The following TBC1D22A variants were observed in gnomAD, a reference collection of about 807,000 sequenced individuals.
The protein encoded by TBC1D22A is TBC1 domain family member 22A.
Under a neutral mutation model 60.2 loss-of-function variants are expected in TBC1D22A, and 38 were observed. The observed-to-expected ratio is 0.63, with a 90% confidence interval of 0.49 to 0.83. The LOEUF (loss-of-function observed/expected upper bound fraction) is 0.83, where lower values mean the gene tolerates loss of function less well. TBC1D22A is among the 40% of genes least tolerant of loss of function. The pLI, the probability that TBC1D22A is intolerant of heterozygous loss-of-function variation, is 0.00. For synonymous variants in TBC1D22A, 302 were observed against 281.7 expected, an observed-to-expected ratio of 1.07 and a Z score of -0.72; for missense variants, 628 against 701.0, an observed-to-expected ratio of 0.90 and a Z score of 1.18.
chr22:47,006,039 T>G (rs2061581722), intron 10 of TBC1D22A, among the ~76,000 whole-genome samples: 1 of 152,092 alleles, frequency 6.6e-6, no homozygotes, highest in South Asian at 2.1e-4. Context: ...TACACATGCC[T>G]TTACACACAC....
intron 4 of TBC1D22A, among the ~76,000 whole-genome samples, chr22:46,848,753 G>T (rs2147265864): frequency 6.6e-6 from 1 of 152,280 alleles, no homozygotes; most frequent in East Asian, 1.9e-4. Flanking sequence ...AGTTTTGAGT[G>T]CATTATGACA....
intron 7 of TBC1D22A, among the ~76,000 whole-genome samples, chr22:46,904,096 A>AATCAATCT (rs1207325734): frequency 1.2e-4 from 13 of 106,920 alleles, no homozygotes; most frequent in South Asian, 8.6e-4. Context: ...ATCTAAATAA[A>AATCAATCT]ATCTATCTAT....
At chr22:46,794,032 G>A (rs2084543698) in intron 3 of TBC1D22A, among the ~76,000 whole-genome samples, 191 bp downstream of exon 3, 1 of 152,228 alleles carries the variant, frequency 6.6e-6, no homozygotes, top group Non-Finnish European at 1.5e-5. Context: ...GGGCCCCCAA[G>A]TGCTTTCTTC....
chr22:46,833,637 G>A (rs538952799), intron 4 of TBC1D22A, among the ~76,000 whole-genome samples: 9 of 152,352 alleles, frequency 5.9e-5, no homozygotes, highest in African/African-American at 1.9e-4. Context: ...TCTGGCTGGA[G>A]TGATCAGGAA....
intron 4 of TBC1D22A, among the ~76,000 whole-genome samples, chr22:46,809,197 T>C (rs569625709): frequency 2.0e-5 from 3 of 152,306 alleles, no homozygotes; most frequent in Admixed American, 6.5e-5. Flanking sequence ...TCCTCCCGGC[T>C]TGCAGATGCC....
chr22:47,150,466 G>A (rs965846361), intron 12 of TBC1D22A, among the ~76,000 whole-genome samples: 2 of 152,220 alleles, frequency 1.3e-5, no homozygotes, highest in African/African-American at 4.8e-5. Flanking sequence ...TCCCAGTTCC[G>A]TCTAGAACAG....
At chr22:47,088,608 T>G (rs1322246592) in intron 11 of TBC1D22A, among the ~76,000 whole-genome samples, 4 of 152,180 alleles carry the variant, frequency 2.6e-5, no homozygotes, top group African/African-American at 9.7e-5. Flanking sequence ...TTTTTTTTTT[T>G]GACGGCAAGT....
rs117346017 is a variant in TBC1D22A, at chr22:47,022,103, G to A, written c.1202-14968G>A. ...TTCATTTACACTTGATCAGGGAAAT[G>A]AGCACCAAATGTTGGACATTTTTCC... On this transcript the variant is annotated intron_variant, in intron 10 of 12. Transcript: ENST00000337137. 5.6e-3 allele frequency among the ~76,000 whole-genome samples: 857 copies of A among 152,324 alleles called. 6 individuals are homozygous for A. Among genetic ancestry groups the A allele is most frequent in the Non-Finnish European group, 8.3e-3 (564 of 68,018 alleles).
chr22:46,941,539 G>A lies in TBC1D22A; in HGVS notation c.1015+29351G>A, dbSNP rs915458232. On this transcript the variant is annotated intron_variant, in intron 8 of 12. Coordinates refer to ENST00000337137, the MANE Select transcript of TBC1D22A (RefSeq NM_014346.5). Reference sequence around the variant, plus strand: ...ATATATATACACGGAATATATATACGGAATATATATACAGGGAATATATAT... The same window carrying A: ...ATATATATACACGGAATATATATACAGAATATATATACAGGGAATATATAT... 2.1e-4 allele frequency among the ~76,000 whole-genome samples: 29 copies of A among 137,234 alleles called. 1 individual carries two copies. The highest frequency in any genetic ancestry group is 1.8e-4 in the Non-Finnish European group (12 of 65,462). The allele number at this position is 137,234 out of a possible 152,430, so 90.0% of individuals were successfully genotyped here. A position where few individuals can be genotyped will look rare whatever the true frequency, so the allele number is the denominator to read the frequency against.
intron 5 of TBC1D22A, among the ~76,000 whole-genome samples, chr22:46,882,572 T>C (rs1484415664): frequency 6.6e-6 from 1 of 152,100 alleles, no homozygotes; most frequent in African/African-American, 2.4e-5. Flanking sequence ...AGAGCTGGCC[T>C]GGGGCGTTGG....
intron 10 of TBC1D22A, among the ~76,000 whole-genome samples, chr22:47,004,237 G>T (rs947715916): frequency 3.0e-5 from 4 of 132,470 alleles, no homozygotes; most frequent in African/African-American, 1.2e-4. Context: ...CTATATACAC[G>T]CATCTGCCAT....
chr22:46,848,797 T>C (rs2147266180), intron 4 of TBC1D22A, among the ~76,000 whole-genome samples: 1 of 152,294 alleles, frequency 6.6e-6, no homozygotes, highest in East Asian at 1.9e-4. Flanking sequence ...ACACTTTGGG[T>C]TGCAGGGCTG....
At position 46,974,343 on chromosome 22, in the gene TBC1D22A, T is replaced by G. The variant is rs1173777416; in HGVS notation, c.1069T>G (p.Cys357Gly). Residue 357 changes from cysteine to glycine, a missense_variant, in exon 9 of 13, where the codon TGC becomes GGC. By Grantham distance (159) the Cys-to-Gly change is radical. Coordinates refer to ENST00000337137, the MANE Select transcript of TBC1D22A (RefSeq NM_014346.5). ...DVSGVPAEVL[C>G]NIEADTYWCM... ...CTCCGGCGTGCCCGCAGAGGTGCTG[T>G]GCAACATCGAGGCCGACACCTACTG... is the stretch of plus-strand genomic sequence containing the variant. 1.2e-6 allele frequency: 2 copies of G among 1,610,996 alleles called. No individual in the cohort carries two copies. The highest frequency in any genetic ancestry group is 2.2e-5 in the East Asian group (1 of 44,766).
intron 11 of TBC1D22A, among the ~76,000 whole-genome samples, chr22:47,067,095 A>C (rs932887563): frequency 1.3e-5 from 2 of 152,162 alleles, no homozygotes; most frequent in African/African-American, 2.4e-5. Context: ...GTAAAACCCT[A>C]TCTCTACTAA....
chr22:47,068,396 G>C (rs771889517), intron 11 of TBC1D22A, among the ~76,000 whole-genome samples: 16 of 152,232 alleles, frequency 1.1e-4, no homozygotes, highest in Non-Finnish European at 1.9e-4. Context: ...TTCTTTCTCT[G>C]AAGTCCGTGT....
intron 12 of TBC1D22A, among the ~76,000 whole-genome samples, chr22:47,129,942 C>T (rs558120525): frequency 2.4e-4 from 36 of 152,202 alleles, no homozygotes; most frequent in Non-Finnish European, 4.0e-4. Context: ...ATTTGTACAG[C>T]GGAAGAGGGA....
Position 46,894,815 on chromosome 22 carries a change from A to G in TBC1D22A, c.869A>G (p.Glu290Gly), listed in dbSNP as rs1325701498. The change falls in exon 7 of 13, where the codon GAA becomes GGA. Residue 290 changes from glutamate (E) to glycine (G), a missense_variant. Physicochemically the swap from Glu to Gly is moderately conservative, Grantham distance 98 (BLOSUM62 -2). Transcript: ENST00000337137. ...IHIDIPRMSP[E>G]ALILQPKVTE... Reference sequence around the variant, plus strand: ...ATAGACATCCCTCGCATGAGCCCTGAAGCGTTGATCCTGCAGCCCAAGGTG... The same window carrying G: ...ATAGACATCCCTCGCATGAGCCCTGGAGCGTTGATCCTGCAGCCCAAGGTG... 10 of 1,614,094 alleles carry G rather than the reference A, an allele frequency of 6.2e-6. No homozygotes were observed. The Admixed American group carries it at 1.7e-4, about 27-fold the overall frequency.
At position 47,087,933 on chromosome 22, in the gene TBC1D22A, C is replaced by T. The variant is rs530685004; in HGVS notation, c.1330-23575C>T. ...TACTAAAAATACAAAATTAGCCAGG[C>T]GTGGTGGCGGGCGCCTGTAGTTCCA... On this transcript the variant is annotated intron_variant, in intron 11 of 12. Coordinates refer to ENST00000337137, the MANE Select transcript of TBC1D22A (RefSeq NM_014346.5). Among the ~76,000 whole-genome samples, 11 of 151,960 alleles carry T rather than the reference C, an allele frequency of 7.2e-5. No individual in the cohort carries two copies. In the East Asian group the frequency reaches 1.7e-3, roughly 24 times the overall value.
chr22:46,878,303 A>AGAGAGAAGGAGGTGGGAGGGAGG (rs1187275293), intron 4 of TBC1D22A, among the ~76,000 whole-genome samples: 34 of 674 alleles, frequency 0.05, no homozygotes, highest in South Asian at 0.12. Context: ...GGGAAGGAAG[A>AGAGAGAAGGAGGTGGGAGGGAGG]GAGAGAAGGA....
Sources: allele counts gnomAD v4.1 joint callset (sites outside exome capture counted in the v4.1 genomes callset), GRCh38; gene constraint gnomAD v4.1.1; transcripts MANE v1.5; gene names NCBI Gene and HGNC (gene_info 2026-07-23, HGNC 2026-07-21).